Variants in ARFGEF3 observed in about 807,000 individuals in gnomAD.
The protein encoded by ARFGEF3 is brefeldin A-inhibited guanine nucleotide-exchange protein 3.
A neutral mutation model predicts 221.7 loss-of-function variants in ARFGEF3; 96 were observed. The ratio of observed to expected loss-of-function variants is 0.43; its 90% CI spans 0.37 to 0.51. ARFGEF3 has a LOEUF of 0.51. Ranked by LOEUF, ARFGEF3 falls within the 20% of genes least tolerant of loss-of-function variation. The pLI, the probability that ARFGEF3 is intolerant of heterozygous loss-of-function variation, is 0.00. For missense variants in ARFGEF3, 2,410 were observed against 2,789.9 expected, an observed-to-expected ratio of 0.86 and a Z score of 3.07; for synonymous variants, 1,145 against 1,126.8, an observed-to-expected ratio of 1.02 and a Z score of -0.32.
At position 138,255,719 on chromosome 6, in the gene ARFGEF3, C is replaced by T; in HGVS notation, c.1054C>T (p.Leu352Phe). 6.2e-7 allele frequency: 1 copy of T among 1,606,020 alleles called. No homozygotes were observed. The highest frequency in any genetic ancestry group is 2.2e-5 in the East Asian group (1 of 44,624). ...CCAGTCCCTCTACCACCGAGTGCTG[C>T]TCTACCCCCCACCCCAGCACCGGGT... ...VLQSLYHRVL[L>F]YPPPQHRVEA... is the part of the protein sequence containing the mutation. Residue 352 changes from leucine (L) to phenylalanine (F), a missense_variant, in exon 10 of 34, where the codon CTC becomes TTC. Physicochemically the swap from Leu to Phe is conservative, Grantham distance 22. Around this residue, in one of 5 missense-constraint regions of ARFGEF3, gnomAD observed 570 missense variants for 586.9 expected, o/e 0.97. Coordinates refer to ENST00000251691, the MANE Select transcript of ARFGEF3 (RefSeq NM_020340.5).
rs1780384557 is a variant in ARFGEF3, at chr6:138,339,226, GAAGA to G, written c.*2744_*2747del. ...CAGGTGGTTCTTCCCAGCAGGTGGAGAAGAAAGGGAGGAGATGAAGAACACTGAG... is the reference window on the plus strand; with the variant it reads ...CAGGTGGTTCTTCCCAGCAGGTGGAGAAGGGAGGAGATGAAGAACACTGAG... On this transcript the variant is annotated 3_prime_UTR_variant, in exon 34 of 34. Transcript: ENST00000251691. 6.6e-6 allele frequency: 1 copy of G among 152,338 alleles called. No individual in the cohort carries two copies. Among genetic ancestry groups the G allele is most frequent in the East Asian group, 1.9e-4 (1 of 5,196 alleles). The allele number at this position is 152,338 out of a possible 1,614,324, so 9.4% of individuals were successfully genotyped here. A position where few individuals can be genotyped will look rare whatever the true frequency, so the allele number is the denominator to read the frequency against.
chr6:138,198,398 T>C (rs1398343250), intron 2 of ARFGEF3, among the ~76,000 whole-genome samples: 1 of 152,208 alleles, frequency 6.6e-6, no homozygotes, highest in Non-Finnish European at 1.5e-5. Flanking sequence ...TTCATTAAAA[T>C]AGAAATGAAA....
intron 2 of ARFGEF3, among the ~76,000 whole-genome samples, chr6:138,195,039 G>T (rs1374044161): frequency 9.2e-6 from 1 of 109,018 alleles, no homozygotes; most frequent in African/African-American, 3.7e-5. Flanking sequence ...GTCTCACTCT[G>T]TCTCCCAGGC....
chr6:138,262,187 C>CT (rs11393341), intron 11 of ARFGEF3, among the ~76,000 whole-genome samples: 7,375 of 127,866 alleles, frequency 0.058, 619 homozygotes, highest in African/African-American at 0.15. Flanking sequence ...ATGCAGACCA[C>CT]TTTTTTTTTT....
At chr6:138,218,280 A>G (rs1777912796) in intron 4 of ARFGEF3, 1 of 1,602,782 alleles carries the variant, frequency 6.2e-7, no homozygotes, top group South Asian at 1.1e-5. Flanking sequence ...TTCTGGAGCT[A>G]GAATGCCTGG....
In ARFGEF3 at chr6:138,194,989, ATTTTTTTTTTTT is replaced by A. The variant is rs747099029; in HGVS notation, c.138-12033_138-12022del. ...TCAAACTAACTTCACCTTTTCCCTA[ATTTTTTTTTTTT>A]TTTTTTTTTTTTTTTTTTTGAGATG... On this transcript the variant is annotated intron_variant, in intron 2 of 33. Transcript: ENST00000251691. 3.6e-4 allele frequency among the ~76,000 whole-genome samples: 30 copies of A among 84,116 alleles called. 1 individual carries two copies. The highest frequency in any genetic ancestry group is 2.6e-3 in the Admixed American group (18 of 6,806). The allele number at this position is 84,116 out of a possible 152,430, so 55.2% of individuals were successfully genotyped here. A position where few individuals can be genotyped will look rare whatever the true frequency, so the allele number is the denominator to read the frequency against.
chr6:138,186,190 A>T (rs771449813), intron 2 of ARFGEF3, among the ~76,000 whole-genome samples: 9 of 152,214 alleles, frequency 5.9e-5, no homozygotes, highest in Non-Finnish European at 1.3e-4. Context: ...CAGAAGACAC[A>T]TATGCCACTA....
intron 4 of ARFGEF3, among the ~76,000 whole-genome samples, chr6:138,212,670 T>C (rs910733043): frequency 7.2e-5 from 11 of 152,158 alleles, no homozygotes; most frequent in Non-Finnish European, 1.0e-4. Flanking sequence ...ATATGGCACA[T>C]ATACACTATG....
chr6:138,255,856 C>T, intron 10 of ARFGEF3, 87 bp downstream of exon 10: 1 of 1,158,456 alleles, frequency 8.6e-7, no homozygotes, highest in South Asian at 1.6e-5. Context: ...AAAGGCTTGC[C>T]AATCACTTGC....
At position 138,263,457 on chromosome 6, in the gene ARFGEF3, G is replaced by A. The variant is rs1447068192; in HGVS notation, c.1974G>A (p.Leu658=). 1.2e-6 allele frequency: 2 copies of A among 1,613,834 alleles called. No homozygotes were observed. Among genetic ancestry groups the A allele is most frequent in the Non-Finnish European group, 1.7e-6 (2 of 1,179,908 alleles). The change falls in exon 12 of 34, where the codon CTG becomes CTA. Residue 658 remains leucine, a synonymous_variant. Transcript: ENST00000251691. ...LGHRSLRTAA[L]SLKLLKNQEA... ...ACCGGTCCCTGCGAACTGCCGCCCT[G>A]TCTCTAAAACTGCTGAAGAACCAGG...
chr6:138,244,531 C>G (rs183897823), intron 7 of ARFGEF3, among the ~76,000 whole-genome samples: 11 of 152,314 alleles, frequency 7.2e-5, no homozygotes, highest in African/African-American at 2.6e-4. Flanking sequence ...TGTAGTTGAA[C>G]AGATTCCAGA....
In ARFGEF3 at chr6:138,263,245, G is replaced by A. The variant is rs1310065308; in HGVS notation, c.1762G>A (p.Gly588Arg). ...AGTAGACTGCAGGACAAGGTCCTATGGATCTAGGTATAGTGAGAGCAATTT... is the reference window on the plus strand; with the variant it reads ...AGTAGACTGCAGGACAAGGTCCTATAGATCTAGGTATAGTGAGAGCAATTT... ...LSVDCRTRSYGSRYSESNFSV... is the reference protein window; with the variant it reads ...LSVDCRTRSYRSRYSESNFSV... Residue 588 changes from glycine (G) to arginine (R), a missense_variant, in exon 12 of 34, where the codon GGA (glycine) becomes AGA (arginine). Physicochemically the swap from Gly to Arg is moderately radical, Grantham distance 125. This residue lies in a region of ARFGEF3 where 594 missense variants were observed against 734.3 expected (regional missense o/e 0.81). Transcript: ENST00000251691. The A allele has an allele frequency of 6.2e-7, 1 of 1,613,904 alleles. No homozygotes were observed. The highest frequency in any genetic ancestry group is 2.2e-5 in the East Asian group (1 of 44,898).
At chr6:138,218,243 C>G (rs1777911742) in intron 4 of ARFGEF3, 1 of 1,612,994 alleles carries the variant, frequency 6.2e-7, no homozygotes, top group Non-Finnish European at 8.5e-7. Context: ...TTCGAAATAC[C>G]TTGTAGCAGA....
At chr6:138,287,274 G>C in intron 17 of ARFGEF3, 90 bp downstream of exon 17, 1 of 960,342 alleles carries the variant, frequency 1.0e-6, no homozygotes, top group Non-Finnish European at 1.6e-6. Context: ...CAACACTCGT[G>C]CCTGTTCTGT....
In ARFGEF3 at chr6:138,339,981, A is replaced by G. The variant is rs1780399154; in HGVS notation, c.*3495A>G. 1 of 152,260 alleles carries G rather than the reference A, an allele frequency of 6.6e-6. No individual in the cohort carries two copies. The highest frequency in any genetic ancestry group is 2.4e-5 in the African/African-American group (1 of 41,466). The allele number at this position is 152,260 out of a possible 1,614,324, so 9.4% of individuals were successfully genotyped here. A position where few individuals can be genotyped will look rare whatever the true frequency, so the allele number is the denominator to read the frequency against. ...GTGATGGCTCATTCCTGTAATCTCA[A>G]GCACTTTGGGAGGCTAAGGTGGGTG... On this transcript the variant is annotated 3_prime_UTR_variant, in exon 34 of 34. Transcript: ENST00000251691.
chr6:138,322,993 G>C (rs1425449062), intron 29 of ARFGEF3, among the ~76,000 whole-genome samples: 1 of 151,114 alleles, frequency 6.6e-6, no homozygotes, highest in Non-Finnish European at 1.5e-5. Flanking sequence ...GGGGAGGTGG[G>C]GACTTTCCAA....
chr6:138,319,342 C>T (rs1779982304), intron 27 of ARFGEF3, among the ~76,000 whole-genome samples: 1 of 150,938 alleles, frequency 6.6e-6, no homozygotes, highest in Non-Finnish European at 1.5e-5. Context: ...TAAAATATTT[C>T]CCCATGTAGT....
intron 2 of ARFGEF3, among the ~76,000 whole-genome samples, chr6:138,191,993 G>A (rs559938243): frequency 3.1e-4 from 47 of 152,304 alleles, no homozygotes; most frequent in African/African-American, 7.0e-4. Flanking sequence ...TTTGTTGAGC[G>A]TGTACAATGT....
chr6:138,166,596 G>T (rs946066520), intron 1 of ARFGEF3, among the ~76,000 whole-genome samples: 1 of 152,298 alleles, frequency 6.6e-6, no homozygotes, highest in South Asian at 2.1e-4. Flanking sequence ...GAGTAGAAAG[G>T]AATGAATTGG....
Sources: gnomAD v4.1 joint callset for allele counts (sites outside exome capture counted in the v4.1 genomes callset) on GRCh38, gnomAD v4.1.1 for gene constraint, gnomAD v4.1.1 regional missense constraint, MANE v1.5 for transcripts, NCBI Gene and HGNC (gene_info 2026-07-23, HGNC 2026-07-21) for gene names.